DLGAP2: variants seen among roughly 807,000 people sequenced by gnomAD.
DLGAP2 encodes the protein disks large-associated protein 2.
Under a neutral mutation model 100.3 loss-of-function variants are expected in DLGAP2, and 26 were observed. The ratio of observed to expected loss-of-function variants is 0.26; its 90% CI spans 0.19 to 0.36. DLGAP2 has a LOEUF of 0.36. DLGAP2 is among the 10% of genes least tolerant of loss of function. DLGAP2 has a pLI of 1.00. For synonymous variants in DLGAP2, 886 were observed against 630.1 expected, an observed-to-expected ratio of 1.41 and a Z score of -6.08; for missense variants, 1,858 against 1,453.2, an observed-to-expected ratio of 1.28 and a Z score of -4.53.
chr8:1,476,812 C>T (rs1584940265), intron 3 of DLGAP2, among the ~76,000 whole-genome samples: 1 of 151,040 alleles, frequency 6.6e-6, no homozygotes, highest in Non-Finnish European at 1.5e-5. Context: ...CCCGTGATGG[C>T]TGAGTGCTGT....
intron 2 of DLGAP2, among the ~76,000 whole-genome samples, chr8:1,075,912 A>G (rs954535322): frequency 2.7e-5 from 4 of 150,614 alleles, no homozygotes; most frequent in Non-Finnish European, 5.9e-5. Flanking sequence ...AAAAAAATAA[A>G]AACAAAAAAA....
At chr8:1,352,995 A>G (rs975102898) in intron 3 of DLGAP2, among the ~76,000 whole-genome samples, 6 of 152,172 alleles carry the variant, frequency 3.9e-5, no homozygotes, top group Non-Finnish European at 5.9e-5. Context: ...GATTGAAGGC[A>G]GATTTTGACT....
At chr8:1,618,786 T>A (rs1008405297) in intron 6 of DLGAP2, among the ~76,000 whole-genome samples, 1 of 152,176 alleles carries the variant, frequency 6.6e-6, no homozygotes, top group Non-Finnish European at 1.5e-5. Flanking sequence ...GCATTCTTGA[T>A]ATTTGGGGCC....
chr8:1,681,000 C>T (rs1243936450), intron 12 of DLGAP2, among the ~76,000 whole-genome samples: 1 of 152,050 alleles, frequency 6.6e-6, no homozygotes, highest in African/African-American at 2.4e-5. Context: ...GTTTTCTACA[C>T]CATGTGTTTC....
At chr8:1,482,948 C>T (rs1056362914) in intron 3 of DLGAP2, among the ~76,000 whole-genome samples, 5 of 152,246 alleles carry the variant, frequency 3.3e-5, no homozygotes, top group African/African-American at 7.2e-5. Context: ...AGCATTTAGC[C>T]CTCCCACAGC....
At chr8:1,202,734 G>A (rs1162931253) in intron 2 of DLGAP2, among the ~76,000 whole-genome samples, 5 of 152,282 alleles carry the variant, frequency 3.3e-5, no homozygotes, top group South Asian at 2.1e-4. Flanking sequence ...TCAGTCTCCT[G>A]TGCACCTGTG....
At chr8:1,281,968 A>G (rs13274437) in intron 3 of DLGAP2, among the ~76,000 whole-genome samples, 1 of 124,562 alleles carries the variant, frequency 8.0e-6, no homozygotes, top group Middle Eastern at 3.4e-3. Context: ...CCATCTGGAC[A>G]TGGTGTAACC....
intron 2 of DLGAP2, among the ~76,000 whole-genome samples, chr8:1,160,838 G>A (rs1007957838): frequency 1.3e-5 from 2 of 152,182 alleles, no homozygotes; most frequent in Admixed American, 6.5e-5. Flanking sequence ...ACGCGATTCC[G>A]CCTCTAGTTT....
intron 2 of DLGAP2, among the ~76,000 whole-genome samples, chr8:960,472 C>G (rs1216610441): frequency 6.6e-6 from 1 of 151,838 alleles, no homozygotes; most frequent in Non-Finnish European, 1.5e-5. Flanking sequence ...TGACCACAGG[C>G]AATCCGTCTG....
chr8:1,061,324 G>T (rs1358349067), intron 2 of DLGAP2, among the ~76,000 whole-genome samples: 1 of 152,134 alleles, frequency 6.6e-6, no homozygotes, highest in African/African-American at 2.4e-5. Flanking sequence ...GCCCAACTGT[G>T]GTTTCTACCA....
intron 3 of DLGAP2, among the ~76,000 whole-genome samples, chr8:1,430,113 T>A (rs2129981808): frequency 6.8e-6 from 1 of 147,518 alleles, no homozygotes; most frequent in East Asian, 2.0e-4. Context: ...TGCCGCAGCA[T>A]TTTGCCTTTT....
chr8:866,623 G>A (rs1797503255), intron 1 of DLGAP2, among the ~76,000 whole-genome samples: 1 of 152,204 alleles, frequency 6.6e-6, no homozygotes. Context: ...CTTGGTCCAT[G>A]TGGCCATCGG....
In DLGAP2 at chr8:776,745, G is replaced by T. The variant is rs1319017929; in HGVS notation, c.18+38920G>T. ...TCTTATAATTTCTGTTCTTTTACAT[G>T]TGCTGAGGAGAGCTTTACTTCCAAG... On this transcript the variant is annotated intron_variant, in intron 1 of 14. Transcript: ENST00000637795. Among the ~76,000 whole-genome samples, 2 of 152,184 alleles carry T rather than the reference G, an allele frequency of 1.3e-5. 1 individual carries two copies. Among genetic ancestry groups the T allele is most frequent in the South Asian group, 4.2e-4 (2 of 4,816 alleles).
At chr8:1,429,997 CATATATATACATATAT>C (rs1242237153) in intron 3 of DLGAP2, among the ~76,000 whole-genome samples, 3 of 19,660 alleles carry the variant, frequency 1.5e-4, no homozygotes, top group Non-Finnish European at 3.7e-4. Context: ...GGGAGAGATG[CATATATATACATATAT>C]ATATATATAT....
intron 3 of DLGAP2, among the ~76,000 whole-genome samples, chr8:1,431,816 T>C (rs1208904994): frequency 6.6e-6 from 1 of 152,212 alleles, no homozygotes; most frequent in Non-Finnish European, 1.5e-5. Flanking sequence ...ACAGGGACTC[T>C]TCTGATGCCT....
At chr8:1,184,495 C>T (rs80328425) in intron 2 of DLGAP2, among the ~76,000 whole-genome samples, 4,667 of 152,222 alleles carry the variant, frequency 0.031, 269 homozygotes, top group African/African-American at 0.11. Context: ...CAGTGGGTAC[C>T]CGGGGTGCAC....
intron 2 of DLGAP2, among the ~76,000 whole-genome samples, chr8:960,233 A>ATT (rs1228650565): frequency 3.6e-4 from 3 of 8,302 alleles, no homozygotes; most frequent in Admixed American, 1.4e-3. Context: ...TTCCTGAAGT[A>ATT]TATCTTTTTT....
At position 1,697,304 on chromosome 8, in the gene DLGAP2, G is replaced by C. The variant is rs77345811; in HGVS notation, c.2949+5G>C. Reference sequence around the variant, plus strand: ...ATGGAGTCCCCGGAAAGAAAGGTAAGGGCATCCATGCAGGGCCGGCTCCCA... The same window carrying C: ...ATGGAGTCCCCGGAAAGAAAGGTAACGGCATCCATGCAGGGCCGGCTCCCA... On this transcript the variant is annotated splice_donor_5th_base_variant and intron_variant, in intron 14 of 14. Transcript: ENST00000637795. 8.1e-5 allele frequency: 129 copies of C among 1,597,754 alleles called. No homozygotes were observed. The African/African-American group carries it at 1.4e-3, about 17-fold the overall frequency.
chr8:1,307,195 T>C (rs1053566038), intron 3 of DLGAP2, among the ~76,000 whole-genome samples: 4 of 142,002 alleles, frequency 2.8e-5, no homozygotes, highest in African/African-American at 1.1e-4. Context: ...AACAGCAAAA[T>C]AATCTGATTC....
Sources: allele counts gnomAD v4.1 joint callset (sites outside exome capture counted in the v4.1 genomes callset), GRCh38; gene constraint gnomAD v4.1.1; transcripts MANE v1.5; gene names NCBI Gene and HGNC (gene_info 2026-07-23, HGNC 2026-07-21).